The following UNKL variants were observed in gnomAD, a reference collection of about 807,000 sequenced individuals.
The protein encoded by UNKL is unk like zinc finger.
UNKL carries 60 observed loss-of-function variants against 78.0 expected under a neutral mutation model. That is an observed-to-expected ratio of 0.77 (90% CI 0.63 to 0.95). The LOEUF (loss-of-function observed/expected upper bound fraction) is 0.95. UNKL is among the 40% of genes least tolerant of loss of function. The pLI is 0.00. For missense variants in UNKL, 1,159 were observed against 1,045.7 expected (o/e 1.11, Z -1.49); for synonymous variants, 608 against 474.8 (o/e 1.28, Z -3.65).
intron 10 of UNKL, among the ~76,000 whole-genome samples, chr16:1,383,313 A>C (rs898472338): frequency 4.0e-5 from 6 of 150,932 alleles, no homozygotes; most frequent in South Asian, 2.1e-4. Flanking sequence ...AACAAAACCC[A>C]CACACACACA....
Position 1,411,555 on chromosome 16 carries a change from G to A in UNKL, c.287+2291C>T, listed in dbSNP as rs534614164. On this transcript the variant is annotated intron_variant, in intron 2 of 14. Coordinates refer to ENST00000389221, the MANE Select transcript of UNKL (RefSeq NM_001372107.1). ...TCAAAAAACAAAAACAGCCGGGCGC[G>A]GTGGCTCATGCCTGTAATCCCAGCA... Among the ~76,000 whole-genome samples, 350 of 151,916 alleles carry A rather than the reference G, an allele frequency of 2.3e-3. 3 individuals are homozygous for A. The highest frequency in any genetic ancestry group is 7.9e-3 in the African/African-American group (327 of 41,434).
intron 10 of UNKL, chr16:1,379,400 G>A (rs1452570863): frequency 3.4e-6 from 3 of 894,776 alleles, no homozygotes; most frequent in African/African-American, 3.6e-5. Flanking sequence ...GCCCGAGCCC[G>A]CGCTGGGAAG....
At chr16:1,411,608 C>T (rs1186989307) in intron 2 of UNKL, among the ~76,000 whole-genome samples, 2 of 152,114 alleles carry the variant, frequency 1.3e-5, no homozygotes, top group Non-Finnish European at 2.9e-5. Context: ...GGGCAGATCA[C>T]GAGGTCAGAA....
Position 1,399,449 on chromosome 16 carries a change from C to A in UNKL, c.659G>T (p.Cys220Phe). The change falls in exon 5 of 15, where the codon TGC becomes TTC. Residue 220 changes from cysteine (C) to phenylalanine (F), a missense_variant. Transcript: ENST00000389221. This position sits in a 1 kb window ranked among gnomAD's most constrained non-coding sequence, Gnocchi z 5.8. ...TEQCPKPPRL[C>F]RQGYACPHYH... ...GTGTGGGCACGCATAGCCCTGGCGG[C>A]ACAGGCGTGGCGGCTTCGGGCACTG... 2 of 1,604,952 alleles carry A rather than the reference C, an allele frequency of 1.2e-6. No homozygotes were observed. The highest frequency in any genetic ancestry group is 2.3e-5 in the East Asian group (1 of 44,440).
rs1408713742 is a variant in UNKL, at chr16:1,366,995, G to A, written c.2046+97C>T. The A allele has an allele frequency of 8.4e-6, 12 of 1,435,812 alleles. No homozygotes were observed. The South Asian group carries it at 8.8e-5, about 11-fold the overall frequency. The allele number at this position is 1,435,812 out of a possible 1,614,324, so 88.9% of individuals were successfully genotyped here. A position where few individuals can be genotyped will look rare whatever the true frequency, so the allele number is the denominator to read the frequency against. ...GCCCGGAGCAGACCCTGGGGCAGGG[G>A]AGGAAGGGGACACCGCACCAGCCAG... On this transcript the variant is annotated intron_variant, in intron 14 of 14. Coordinates refer to ENST00000389221, the MANE Select transcript of UNKL (RefSeq NM_001372107.1).
At chr16:1,381,177 C>T (rs1219845366) in intron 10 of UNKL, among the ~76,000 whole-genome samples, 2 of 152,202 alleles carry the variant, frequency 1.3e-5, no homozygotes, top group Non-Finnish European at 2.9e-5. Flanking sequence ...ACTTTCCACC[C>T]GAGTGAGCAC....
intron 10 of UNKL, among the ~76,000 whole-genome samples, chr16:1,374,471 C>A (rs1311103140): frequency 6.6e-6 from 1 of 152,146 alleles, no homozygotes; most frequent in Admixed American, 6.5e-5. Flanking sequence ...CCCTCCATGG[C>A]CCCAGGCAAC....
rs2037433677 is a variant in UNKL, at chr16:1,399,697, C to T, written c.599-188G>A. 1 of 830,652 alleles carries T rather than the reference C, an allele frequency of 1.2e-6. No homozygotes were observed. 51.5% of individuals were successfully genotyped at this position (830,652 alleles called of 1,614,324 possible). On this transcript the variant is annotated intron_variant, in intron 4 of 14. Transcript: ENST00000389221. This position sits in a 1 kb window ranked among gnomAD's most constrained non-coding sequence, Gnocchi z 5.8. ...TCGCGCTCCATGAGGGAAGCCGGGC[C>T]AGAAGGCCACGTGGTGTGATTCTGT... is the stretch of plus-strand genomic sequence containing the variant.
intron 9 of UNKL, among the ~76,000 whole-genome samples, chr16:1,385,788 G>A (rs779142956): frequency 5.3e-5 from 8 of 152,208 alleles, no homozygotes; most frequent in African/African-American, 9.6e-5. Context: ...CCCCCGCCCC[G>A]GCTCTCGCCC....
At chr16:1,398,401 C>A in intron 5 of UNKL, 5 of 1,027,610 alleles carry the variant, frequency 4.9e-6, no homozygotes, top group Non-Finnish European at 5.8e-6. Flanking sequence ...CCATGACGGG[C>A]GATGACAAAA....
At chr16:1,413,419 T>A (rs1201718239) in intron 2 of UNKL, among the ~76,000 whole-genome samples, 1 of 151,532 alleles carries the variant, frequency 6.6e-6, no homozygotes, top group African/African-American at 2.4e-5. Context: ...AAATAAAAAA[T>A]TAGCTGGGCA....
At chr16:1,371,669 C>G in intron 10 of UNKL, 58 bp from the exon 11 acceptor site, 10 of 1,513,488 alleles carry the variant, frequency 6.6e-6, no homozygotes, top group Non-Finnish European at 8.9e-6. Flanking sequence ...GCTCAGGAAG[C>G]CTAGCTGAGG....
At chr16:1,369,968 C>T (rs367633404) in intron 12 of UNKL, 162 bp downstream of exon 12, 10 of 1,550,300 alleles carry the variant, frequency 6.5e-6, no homozygotes, top group South Asian at 3.6e-5. Flanking sequence ...GAGCGAGACT[C>T]GGTCTGCGGC....
chr16:1,393,523 G>A lies in UNKL; in HGVS notation c.938-547C>T, dbSNP rs112004320. Among the ~76,000 whole-genome samples the A allele has an allele frequency of 1.8e-3, 281 of 152,296 alleles. 3 individuals are homozygous for A. Among genetic ancestry groups the A allele is most frequent in the African/African-American group, 5.9e-3 (244 of 41,568 alleles). ...AACCCACTGCAGCGTGGAGGAGGCC[G>A]CGTGGGTTCCCACTGGGGCTTGTTT... is the stretch of plus-strand genomic sequence containing the variant. On this transcript the variant is annotated intron_variant, in intron 7 of 14. Transcript: ENST00000389221.
intron 9 of UNKL, among the ~76,000 whole-genome samples, chr16:1,389,571 C>T (rs1244282216): frequency 1.1e-4 from 17 of 152,122 alleles, no homozygotes; most frequent in Admixed American, 1.0e-3. Context: ...CCAGACCCTG[C>T]CTCAAAAAAT....
At chr16:1,374,686 C>A (rs1022176962) in intron 10 of UNKL, among the ~76,000 whole-genome samples, 2 of 152,184 alleles carry the variant, frequency 1.3e-5, no homozygotes, top group Non-Finnish European at 2.9e-5. Flanking sequence ...CCCACCCCAC[C>A]CAGCAGGGAG....
At chr16:1,404,860 TAA>T (rs1227971434) in intron 2 of UNKL, among the ~76,000 whole-genome samples, 1 of 151,814 alleles carries the variant, frequency 6.6e-6, no homozygotes, top group Non-Finnish European at 1.5e-5. Context: ...CACAATGGGG[TAA>T]ACGCGGGCTT....
intron 10 of UNKL, among the ~76,000 whole-genome samples, chr16:1,372,170 G>A (rs563961173): frequency 7.2e-5 from 11 of 152,136 alleles, no homozygotes; most frequent in East Asian, 3.9e-4. Flanking sequence ...AGGCTGAGGC[G>A]GAAGAATGGT....
chr16:1,401,403 ACC>A (rs2037518123), intron 4 of UNKL, 163 bp downstream of exon 4: 1 of 885,320 alleles, frequency 1.1e-6, no homozygotes, highest in East Asian at 3.2e-5. Context: ...CTCGGCACCC[ACC>A]CCCTGTTGGG....
Sources: allele counts gnomAD v4.1 joint callset (sites outside exome capture counted in the v4.1 genomes callset), GRCh38; gene constraint gnomAD v4.1.1; non-coding constraint Gnocchi (gnomAD v3.1); transcripts MANE v1.5; gene names NCBI Gene and HGNC (gene_info 2026-07-23, HGNC 2026-07-21).